The following ARL1 variants were observed in gnomAD, a reference collection of about 807,000 sequenced individuals.
ARL1 encodes the protein ARF like GTPase 1.
A neutral mutation model predicts 30.1 loss-of-function variants in ARL1; 17 were observed. That is an observed-to-expected ratio of 0.56 (90% CI 0.39 to 0.85). The LOEUF (loss-of-function observed/expected upper bound fraction) is 0.85, where lower values mean the gene tolerates loss of function less well. Ranked by LOEUF, ARL1 falls within the 40% of genes least tolerant of loss-of-function variation. The probability of loss-of-function intolerance (pLI) is 0.00; values close to 1 mark genes in which losing one functional copy is unlikely to be tolerated. For synonymous variants in ARL1, 58 were observed against 71.7 expected (o/e 0.81, Z 0.97); for missense variants, 102 against 212.6 (o/e 0.48, Z 3.24).
intron 3 of ARL1, among the ~76,000 whole-genome samples, chr12:101,402,557 G>A (rs1014985654): frequency 2.0e-5 from 3 of 152,136 alleles, no homozygotes; most frequent in Non-Finnish European, 4.4e-5. Context: ...CCAAAACAAT[G>A]TGTTTCAGAG....
chr12:101,403,181 G>A lies in ARL1; in HGVS notation c.143-235C>T, dbSNP rs1280903235. 5 of 502,320 alleles carry A rather than the reference G, an allele frequency of 1.0e-5. No individual in the cohort carries two copies. The Admixed American group carries it at 1.0e-4, about 10-fold the overall frequency. The allele number at this position is 502,320 out of a possible 1,614,324, so 31.1% of individuals were successfully genotyped here. A position where few individuals can be genotyped will look rare whatever the true frequency, so the allele number is the denominator to read the frequency against. The stretch of plus-strand genomic sequence containing the variant: ...TAGTATGCTCTGCTCCCCCACACAT[G>A]TGCAGGTGTGTGCACAAAACATCAA... On this transcript the variant is annotated intron_variant, in intron 2 of 5. Coordinates refer to ENST00000261636, the MANE Select transcript of ARL1 (RefSeq NM_001177.6).
In ARL1 at chr12:101,402,964, T is replaced by C; in HGVS notation, c.143-18A>G. 6.3e-7 allele frequency: 1 copy of C among 1,590,826 alleles called. No homozygotes were observed. Among genetic ancestry groups the C allele is most frequent in the Non-Finnish European group, 8.6e-7 (1 of 1,159,496 alleles). ...TCCAATGGCTGGAAGAGAAATCAAA[T>C]CAGTGGTATGTGTAGACTAATACAT... is the stretch of plus-strand genomic sequence containing the variant. On this transcript the variant is annotated intron_variant, in intron 2 of 5. Transcript: ENST00000261636.
At position 101,407,727 on chromosome 12, in the gene ARL1, C is replaced by T; in HGVS notation, c.-82G>A. ...AGCTCCGAGGCGGTTTCCTCGCAAG[C>T]CCAGTCAGCCAGCAACTTCCACGTC... On this transcript the variant is annotated 5_prime_UTR_variant, in exon 1 of 6. Coordinates refer to ENST00000261636, the MANE Select transcript of ARL1 (RefSeq NM_001177.6). 1 of 1,597,458 alleles carries T rather than the reference C, an allele frequency of 6.3e-7. No homozygotes were observed. The highest frequency in any genetic ancestry group is 1.1e-5 in the South Asian group (1 of 90,682).
At chr12:101,396,627 G>C in intron 4 of ARL1, 50 bp from the exon 5 acceptor site, 1 of 1,489,462 alleles carries the variant, frequency 6.7e-7, no homozygotes, top group African/African-American at 1.4e-5. Context: ...GTGCTCTCTC[G>C]AGTTTAGAAA....
rs1314504922 is a variant in ARL1, at chr12:101,395,068, G to T, written c.*572C>A. On this transcript the variant is annotated 3_prime_UTR_variant, in exon 6 of 6. Coordinates refer to ENST00000261636, the MANE Select transcript of ARL1 (RefSeq NM_001177.6). Reference sequence around the variant, plus strand: ...TGACAACTGTAAAGTACTATAAAATGACACTTACAGATAAGTCAGTGAAGT... The same window carrying T: ...TGACAACTGTAAAGTACTATAAAATTACACTTACAGATAAGTCAGTGAAGT... 6.6e-6 allele frequency: 1 copy of T among 152,378 alleles called. No homozygotes were observed. Among genetic ancestry groups the T allele is most frequent in the Non-Finnish European group, 1.5e-5 (1 of 68,038 alleles). The allele number at this position is 152,378 out of a possible 1,614,324, so 9.4% of individuals were successfully genotyped here.
chr12:101,395,525 A>G lies in ARL1; in HGVS notation c.*115T>C. The G allele has an allele frequency of 2.6e-6, 2 of 766,514 alleles. No individual in the cohort carries two copies. The highest frequency in any genetic ancestry group is 4.2e-6 in the Non-Finnish European group (2 of 478,102). The allele number at this position is 766,514 out of a possible 1,614,324, so 47.5% of individuals were successfully genotyped here. A position where few individuals can be genotyped will look rare whatever the true frequency, so the allele number is the denominator to read the frequency against. ...TTTACTACAAATATTGCAGTCAGTC[A>G]GTATATGCCAATAATCATATAGTTT... On this transcript the variant is annotated 3_prime_UTR_variant, in exon 6 of 6. Transcript: ENST00000261636.
At chr12:101,406,008 A>G in intron 1 of ARL1, 27 bp from the exon 2 acceptor site, 1 of 1,530,832 alleles carries the variant, frequency 6.5e-7, no homozygotes, top group Non-Finnish European at 8.8e-7. Flanking sequence ...GAAAAAACAT[A>G]CACAATGTCA....
chr12:101,405,790 T>C (rs904132746), intron 2 of ARL1, 54 bp downstream of exon 2: 13 of 1,481,288 alleles, frequency 8.8e-6, no homozygotes, highest in Non-Finnish European at 1.1e-5. Flanking sequence ...GAAATAGTTA[T>C]GTTGGATGGA....
chr12:101,402,115 C>T (rs1266304855), intron 3 of ARL1, among the ~76,000 whole-genome samples: 1 of 152,200 alleles, frequency 6.6e-6, no homozygotes, highest in Non-Finnish European at 1.5e-5. Flanking sequence ...CAAACATTCA[C>T]TGTTGCCATG....
intron 2 of ARL1, 73 bp downstream of exon 2, chr12:101,405,771 A>G (rs1871423963): frequency 6.9e-7 from 1 of 1,440,736 alleles, no homozygotes; most frequent in Non-Finnish European, 9.2e-7. Context: ...CAAACAAAAA[A>G]GAAAGAAAGA....
intron 2 of ARL1, 48 bp from the exon 3 acceptor site, chr12:101,402,994 C>T: frequency 3.9e-6 from 5 of 1,277,426 alleles, no homozygotes; most frequent in Non-Finnish European, 4.5e-6. Context: ...ATACATTCCA[C>T]CTTCAAAATA....
chr12:101,401,095 G>A lies in ARL1; in HGVS notation c.303C>T (p.Gly101=), dbSNP rs1348283193. 1.2e-6 allele frequency: 2 copies of A among 1,613,590 alleles called. No individual in the cohort carries two copies. Among genetic ancestry groups the A allele is most frequent in the African/African-American group, 2.7e-5 (2 of 74,910 alleles). Residue 101 remains glycine (G), a synonymous_variant, in exon 4 of 6, where the codon GGC becomes GGT. Coordinates refer to ENST00000261636, the MANE Select transcript of ARL1 (RefSeq NM_001177.6). ...VVDSCDRDRI[G]ISKSELVAML... ...TGGCAACTAACTCTGATTTGGAAAT[G>A]CCAATTCGGTCTCGGTCACAACTGT...
intron 4 of ARL1, among the ~76,000 whole-genome samples, chr12:101,399,509 TAAAAAAAAAAAA>T (rs200979843): frequency 1.9e-3 from 208 of 110,558 alleles, no homozygotes; most frequent in Non-Finnish European, 2.5e-3. Context: ...AGACTCTGTC[TAAAAAAAAAAAA>T]AAAAAAAAAA....
At chr12:101,402,077 A>T (rs1457974954) in intron 3 of ARL1, among the ~76,000 whole-genome samples, 1 of 152,236 alleles carries the variant, frequency 6.6e-6, no homozygotes, top group Non-Finnish European at 1.5e-5. Flanking sequence ...TTAAGATGGT[A>T]CTATCGTGAC....
At chr12:101,407,789 G>C, upstream of ARL1, 1 of 1,210,402 alleles carries the variant, frequency 8.3e-7, no homozygotes, top group Non-Finnish European at 1.2e-6. Flanking sequence ...GGTCAGCTGC[G>C]ACTGCGCGCC....
At chr12:101,404,694 T>C (rs536239023) in intron 2 of ARL1, among the ~76,000 whole-genome samples, 9 of 152,332 alleles carry the variant, frequency 5.9e-5, no homozygotes, top group African/African-American at 2.2e-4. Context: ...GCAAACTGTA[T>C]GAACTCTTTA....
chr12:101,396,346 T>C lies in ARL1; in HGVS notation c.515+53A>G, dbSNP rs536959046. The C allele has an allele frequency of 1.4e-5, 23 of 1,606,254 alleles. No homozygotes were observed. The East Asian group carries it at 4.9e-4, about 34-fold the overall frequency. ...GAGAAAAATTACACGTGGACGTGCA[T>C]AGCTGCAAGCACACACAAATGCACA... On this transcript the variant is annotated intron_variant, in intron 5 of 5. Transcript: ENST00000261636.
chr12:101,399,397 A>G (rs1871239575), intron 4 of ARL1, among the ~76,000 whole-genome samples: 1 of 151,678 alleles, frequency 6.6e-6, no homozygotes, highest in Admixed American at 6.6e-5. Flanking sequence ...CTATAGTCCC[A>G]GCTACTCAGA....
intron 1 of ARL1, among the ~76,000 whole-genome samples, chr12:101,406,373 T>C: frequency 6.6e-6 from 1 of 152,148 alleles, no homozygotes; most frequent in Non-Finnish European, 1.5e-5. Context: ...ACAGGAAAAG[T>C]ACTGTACAGC....
Sources: allele counts gnomAD v4.1 joint callset (sites outside exome capture counted in the v4.1 genomes callset), GRCh38; gene constraint gnomAD v4.1.1; transcripts MANE v1.5; gene names NCBI Gene and HGNC (gene_info 2026-07-23, HGNC 2026-07-21).